UTY: variants seen among roughly 807,000 people sequenced by gnomAD.
UTY encodes ubiquitously transcribed tetratricopeptide repeat containing, Y-linked.
UTY carries 12 observed loss-of-function variants against 32.5 expected under a neutral mutation model. That is an observed-to-expected ratio of 0.37 (90% CI 0.24 to 0.60). UTY has a LOEUF of 0.60. Among genes scored for constraint, UTY ranks in the 20% least tolerant of loss-of-function variants. UTY has a pLI of 0.69. For synonymous variants in UTY, 131 were observed against 103.4 expected, an observed-to-expected ratio of 1.27 and a Z score of -1.62; for missense variants, 303 against 299.2, an observed-to-expected ratio of 1.01 and a Z score of -0.09.
intron 8 of UTY, among the ~76,000 whole-genome samples, chrY:13,374,225 G>T (rs2065196954): frequency 3.0e-5 from 1 of 32,885 alleles, no homozygotes; most frequent in Non-Finnish European, 7.5e-5. Flanking sequence ...TAGAGATGGG[G>T]TTTCACCATG....
intron 17 of UTY, among the ~76,000 whole-genome samples, chrY:13,337,626 G>C: frequency 3.0e-5 from 1 of 33,324 alleles, no homozygotes; most frequent in South Asian, 6.6e-4. Context: ...TTAGAATAGA[G>C]ACAAATAACA....
chrY:13,387,995 C>T, intron 8 of UTY, among the ~76,000 whole-genome samples: 5 of 33,595 alleles, frequency 1.5e-4, no homozygotes, highest in Non-Finnish European at 2.9e-4. Context: ...ATCTGTAACC[C>T]TGTAGCAAAT....
intron 8 of UTY, among the ~76,000 whole-genome samples, chrY:13,370,570 T>C (rs2064806115): frequency 3.0e-5 from 1 of 33,438 alleles, no homozygotes; most frequent in Admixed American, 2.7e-4. Context: ...CTTAAATTCA[T>C]AAAAAACACA....
chrY:13,443,792 C>T, intron 4 of UTY, among the ~76,000 whole-genome samples: 1 of 33,665 alleles, frequency 3.0e-5, no homozygotes. Flanking sequence ...GTACAAATTA[C>T]GAATCTAATG....
At chrY:13,382,675 T>A (rs2066263258) in intron 8 of UTY, among the ~76,000 whole-genome samples, 1 of 34,111 alleles carries the variant, frequency 2.9e-5, no homozygotes, top group Admixed American at 2.6e-4. Context: ...GCAGCTTGAA[T>A]CTACAAATCA....
intron 24 of UTY, among the ~76,000 whole-genome samples, chrY:13,303,622 C>T (rs2058507783): frequency 3.0e-5 from 1 of 33,262 alleles, no homozygotes; most frequent in Admixed American, 2.7e-4. Flanking sequence ...AAACATACTA[C>T]ATTTCCTCTA....
chrY:13,363,169 T>C (rs2149292711), intron 10 of UTY, among the ~76,000 whole-genome samples: 3 of 32,925 alleles, frequency 9.1e-5, no homozygotes, highest in African/African-American at 3.6e-4. Context: ...CCCTAAGTGC[T>C]GGGATTACAG....
At chrY:13,275,891 T>C in intron 27 of UTY, among the ~76,000 whole-genome samples, 2 of 33,927 alleles carry the variant, frequency 5.9e-5, no homozygotes, top group African/African-American at 2.3e-4. Flanking sequence ...TGTTTTCATA[T>C]TAGAAAGATA....
chrY:13,476,734 A>C, intron 2 of UTY, among the ~76,000 whole-genome samples: 1 of 33,131 alleles, frequency 3.0e-5, no homozygotes, highest in East Asian at 7.6e-4. Context: ...CAATCTTATA[A>C]AAATTAATAA....
intron 4 of UTY, among the ~76,000 whole-genome samples, chrY:13,439,265 A>G (rs749125133): frequency 3.0e-5 from 1 of 33,043 alleles, no homozygotes; most frequent in East Asian, 8.0e-4. Context: ...CCCCATGAGA[A>G]CCCGATGGTA....
chrY:13,396,082 T>C (rs2068185724), intron 7 of UTY, among the ~76,000 whole-genome samples: 1 of 31,144 alleles, frequency 3.2e-5, no homozygotes, highest in Non-Finnish European at 7.8e-5. Context: ...GACTAATTTT[T>C]GTATTTTTAG....
chrY:13,294,838 G>A (rs918963415), intron 27 of UTY, among the ~76,000 whole-genome samples: 4 of 33,061 alleles, frequency 1.2e-4, no homozygotes, highest in Non-Finnish European at 2.2e-4. Flanking sequence ...CAGGTGGATC[G>A]CCTGAGGTCA....
rs2070455599 is a variant in UTY at position 13,408,906 on chromosome Y, C to CA, written c.555+2086dup. ...GTGTTTAAAAAAAATGAAAGATGGGCAAAAAAAAAGAAAACAGCATATATC... is the reference window on the plus strand; with the variant it reads ...GTGTTTAAAAAAAATGAAAGATGGGCAAAAAAAAAAGAAAACAGCATATATC... On this transcript the variant is annotated intron_variant, in intron 6 of 29. Transcript: ENST00000545955. 3.4e-4 allele frequency among the ~76,000 whole-genome samples: 10 copies of CA among 29,718 alleles called. No homozygotes were observed. In the East Asian group the frequency reaches 4.4e-3, roughly 13 times the overall value. The allele number at this position is 29,718 out of a possible 37,273, so 79.7% of individuals were successfully genotyped here. A position where few individuals can be genotyped will look rare whatever the true frequency, so the allele number is the denominator to read the frequency against.
At chrY:13,312,377 A>C in intron 21 of UTY, among the ~76,000 whole-genome samples, 1 of 29,489 alleles carries the variant, frequency 3.4e-5, no homozygotes, top group Non-Finnish European at 8.3e-5. Flanking sequence ...TGGGCGACAG[A>C]GCGAGACTCC....
chrY:13,326,187 C>T, intron 19 of UTY, 34 bp downstream of exon 19: 1 of 391,862 alleles, frequency 2.6e-6, no homozygotes, highest in Non-Finnish European at 3.6e-6. Flanking sequence ...TTCAGACTCT[C>T]GATTTATTTA....
intron 4 of UTY, among the ~76,000 whole-genome samples, chrY:13,443,819 T>C: frequency 3.0e-5 from 1 of 33,216 alleles, no homozygotes; most frequent in South Asian, 6.5e-4. Context: ...CTCAAGAAAC[T>C]AGAAAAGCAA....
At chrY:13,253,906 T>C in intron 28 of UTY, among the ~76,000 whole-genome samples, 1 of 32,738 alleles carries the variant, frequency 3.1e-5, no homozygotes, top group Non-Finnish European at 7.4e-5. Context: ...CAACTGGTCA[T>C]GCGGGATGAT....
At chrY:13,449,246 G>A (rs2076130894) in intron 3 of UTY, among the ~76,000 whole-genome samples, 180 bp from the exon 4 acceptor site, 1 of 33,138 alleles carries the variant, frequency 3.0e-5, no homozygotes, top group Non-Finnish European at 7.5e-5. Context: ...AACCATGATC[G>A]AATCTCACCC....
At chrY:13,412,770 A>T (rs2071123167) in intron 5 of UTY, among the ~76,000 whole-genome samples, 1 of 33,864 alleles carries the variant, frequency 3.0e-5, no homozygotes. Context: ...CTATATGCCC[A>T]GAGAAATAAT....
Sources: gnomAD v4.1 joint callset for allele counts (sites outside exome capture counted in the v4.1 genomes callset) on GRCh38, gnomAD v4.1.1 for gene constraint, MANE v1.5 for transcripts, NCBI Gene and HGNC (gene_info 2026-07-23, HGNC 2026-07-21) for gene names.